TESC: variants seen among roughly 807,000 people sequenced by gnomAD.
TESC encodes the protein tescalcin.
TESC carries 19 observed loss-of-function variants against 31.0 expected under a neutral mutation model. The observed-to-expected ratio is 0.61, with a 90% CI of 0.43 to 0.90. The LOEUF (loss-of-function observed/expected upper bound fraction) is 0.90, where lower values mean the gene tolerates loss of function less well. TESC is among the 40% of genes least tolerant of loss of function. The probability of loss-of-function intolerance (pLI) is 0.00; values close to 1 mark genes in which losing one functional copy is unlikely to be tolerated. For missense variants in TESC, 248 were observed against 303.8 expected (o/e 0.82, Z 1.36); for synonymous variants, 109 against 114.8 (o/e 0.95, Z 0.32).
intron 2 of TESC, among the ~76,000 whole-genome samples, chr12:117,063,321 G>T (rs776090173): frequency 6.6e-6 from 1 of 152,060 alleles, no homozygotes; most frequent in South Asian, 2.1e-4. Flanking sequence ...GAGAAAGAGC[G>T]AGGCATCTGC....
intron 7 of TESC, among the ~76,000 whole-genome samples, chr12:117,040,144 G>C (rs1205291303): frequency 6.6e-6 from 1 of 152,248 alleles, no homozygotes; most frequent in Non-Finnish European, 1.5e-5. Flanking sequence ...GCGACAGGGA[G>C]GCCTTGGGAC....
At chr12:117,090,933 A>G (rs7959367) in intron 1 of TESC, among the ~76,000 whole-genome samples, 76,466 of 152,028 alleles carry the variant, frequency 0.5, 19,945 homozygotes, top group African/African-American at 0.64. Context: ...CCCCCCTTTG[A>G]GGACTGCTGT....
intron 1 of TESC, among the ~76,000 whole-genome samples, chr12:117,093,769 C>A (rs1955348800): frequency 6.6e-6 from 1 of 151,480 alleles, no homozygotes; most frequent in African/African-American, 2.4e-5. Context: ...GGTCTGAACT[C>A]TAGGTCTGGA....
intron 2 of TESC, among the ~76,000 whole-genome samples, chr12:117,072,595 G>A (rs1954989421): frequency 1.3e-5 from 2 of 152,208 alleles, no homozygotes; most frequent in African/African-American, 4.8e-5. Flanking sequence ...ACCCAAAGTT[G>A]GATGGATCTA....
At chr12:117,079,473 A>C (rs1955116973) in intron 1 of TESC, among the ~76,000 whole-genome samples, 1 of 152,082 alleles carries the variant, frequency 6.6e-6, no homozygotes, top group Non-Finnish European at 1.5e-5. Flanking sequence ...GAGGCAGGAG[A>C]ATCACTTGAA....
At chr12:117,074,525 C>G (rs1212249547) in intron 2 of TESC, among the ~76,000 whole-genome samples, 2 of 152,190 alleles carry the variant, frequency 1.3e-5, no homozygotes, top group Non-Finnish European at 2.9e-5. Context: ...CGGCCACCCC[C>G]ATCTTGCCTG....
chr12:117,061,652 T>G lies in TESC; in HGVS notation c.129-4766A>C, dbSNP rs939035942. ...TGGCTCTGAAGCCCGCTGCCTCTGC[T>G]CTCTCTCTCTCTCTCCATAGGCACC... is the stretch of plus-strand genomic sequence containing the variant. On this transcript the variant is annotated intron_variant, in intron 2 of 7. Coordinates refer to ENST00000335209, the MANE Select transcript of TESC (RefSeq NM_017899.4). Among the ~76,000 whole-genome samples, 5 of 151,270 alleles carry G rather than the reference T, an allele frequency of 3.3e-5. No individual in the cohort carries two copies. The East Asian group carries it at 7.8e-4, about 24-fold the overall frequency.
At chr12:117,065,969 G>A (rs921155341) in intron 2 of TESC, among the ~76,000 whole-genome samples, 1 of 152,072 alleles carries the variant, frequency 6.6e-6, no homozygotes, top group Non-Finnish European at 1.5e-5. Flanking sequence ...GTCATCACTA[G>A]GGCAAAGGCA....
chr12:117,045,897 G>A (rs1022637369), intron 6 of TESC, among the ~76,000 whole-genome samples: 3 of 152,214 alleles, frequency 2.0e-5, no homozygotes, highest in Non-Finnish European at 4.4e-5. Context: ...CTGGGGGCTG[G>A]TGGGGCTGCA....
chr12:117,084,518 C>T (rs903762707), intron 1 of TESC, among the ~76,000 whole-genome samples: 15 of 152,246 alleles, frequency 9.9e-5, no homozygotes, highest in African/African-American at 2.2e-4. Flanking sequence ...CTGGGGTAAG[C>T]GCATTGCCTG....
intron 1 of TESC, among the ~76,000 whole-genome samples, chr12:117,080,118 T>C (rs576817265): frequency 1.3e-5 from 2 of 152,176 alleles, no homozygotes; most frequent in South Asian, 2.1e-4. Context: ...GGAAGAGGTA[T>C]ATAAATCATC....
Position 117,056,891 on chromosome 12 carries a change from T to C in TESC, c.129-5A>G. The C allele has an allele frequency of 1.2e-6, 2 of 1,613,960 alleles. No individual in the cohort carries two copies. Among genetic ancestry groups the C allele is most frequent in the Non-Finnish European group, 1.7e-6 (2 of 1,179,908 alleles). On this transcript the variant is annotated splice_polypyrimidine_tract_variant and splice_region_variant and intron_variant, in intron 2 of 7. Transcript: ENST00000335209. ...ACATTGTTGAAGTTCTCCTTGCTGGTTTCCAAGAAGGAGAGATACCGGGAA... is the reference window on the plus strand; with the variant it reads ...ACATTGTTGAAGTTCTCCTTGCTGGCTTCCAAGAAGGAGAGATACCGGGAA...
chr12:117,096,745 G>A (rs1196435042), intron 1 of TESC, among the ~76,000 whole-genome samples: 1 of 152,142 alleles, frequency 6.6e-6, no homozygotes, highest in East Asian at 1.9e-4. Flanking sequence ...ACCTGGCAAG[G>A]CCCCTGAAGC....
intron 4 of TESC, 119 bp from the exon 5 acceptor site, chr12:117,046,957 G>T: frequency 9.1e-7 from 1 of 1,095,978 alleles, no homozygotes; most frequent in Non-Finnish European, 1.3e-6. Context: ...GCCAAAGCCA[G>T]AGGGGTCAGG....
At chr12:117,067,207 G>A (rs1302987998) in intron 2 of TESC, among the ~76,000 whole-genome samples, 2 of 152,070 alleles carry the variant, frequency 1.3e-5, no homozygotes, top group African/African-American at 4.8e-5. Context: ...AATTCTGATG[G>A]TGAAACAGCC....
chr12:117,040,284 G>A (rs910548118), intron 7 of TESC, among the ~76,000 whole-genome samples: 4 of 152,158 alleles, frequency 2.6e-5, no homozygotes, highest in Non-Finnish European at 5.9e-5. Flanking sequence ...GCATTCCCAG[G>A]GTAACACGCA....
intron 1 of TESC, among the ~76,000 whole-genome samples, chr12:117,097,726 C>T (rs1049235876): frequency 1.3e-5 from 2 of 152,064 alleles, no homozygotes; most frequent in East Asian, 1.9e-4. Context: ...GCTCACTCTC[C>T]CTTCATCCCT....
chr12:117,041,636 A>G (rs1264685790), intron 7 of TESC, among the ~76,000 whole-genome samples: 1 of 152,196 alleles, frequency 6.6e-6, no homozygotes, highest in Non-Finnish European at 1.5e-5. Flanking sequence ...CCCAGCCTAC[A>G]ACGGGGGTTA....
chr12:117,090,616 C>T (rs932175682), intron 1 of TESC, among the ~76,000 whole-genome samples: 2 of 152,150 alleles, frequency 1.3e-5, no homozygotes, highest in African/African-American at 4.8e-5. Flanking sequence ...AAGTGCTTTG[C>T]CTAGACAGTA....
Sources: gnomAD v4.1 joint callset for allele counts (sites outside exome capture counted in the v4.1 genomes callset) on GRCh38, gnomAD v4.1.1 for gene constraint, MANE v1.5 for transcripts, NCBI Gene and HGNC (gene_info 2026-07-23, HGNC 2026-07-21) for gene names.